Variants in AK3 observed in about 807,000 individuals in gnomAD.
The protein encoded by AK3 is GTP:AMP phosphotransferase AK3, mitochondrial.
AK3 carries 27 observed loss-of-function variants against 23.7 expected under a neutral mutation model. The ratio of observed to expected loss-of-function variants is 1.14; its 90% CI spans 0.84 to 1.57. The LOEUF (loss-of-function observed/expected upper bound fraction) is 1.57, where lower values mean the gene tolerates loss of function less well. Ranked by LOEUF, AK3 falls within the 40% of genes most tolerant of loss-of-function variation. The pLI is 0.00. For missense variants in AK3, 406 were observed against 285.6 expected (o/e 1.42, Z -3.04); for synonymous variants, 159 against 116.0 (o/e 1.37, Z -2.38).
chr9:4,739,055 G>C (rs1028499717), intron 1 of AK3, among the ~76,000 whole-genome samples: 2 of 152,022 alleles, frequency 1.3e-5, no homozygotes, highest in Non-Finnish European at 2.9e-5. Flanking sequence ...TTACAAGCAT[G>C]AGCCATTGCG....
At chr9:4,714,328 C>A (rs1841662909) in intron 4 of AK3, among the ~76,000 whole-genome samples, 1 of 152,178 alleles carries the variant, frequency 6.6e-6, no homozygotes, top group Admixed American at 6.5e-5. Context: ...GGCCCTTCTT[C>A]CGAGGTTTTC....
rs1162133549 is a variant in AK3, at chr9:4,712,676, A to G, written c.*300T>C. ...TATCAACCACTTATTAACTGAACAA[A>G]AAGTTAGATTACTACCAAATGCTCT... On this transcript the variant is annotated 3_prime_UTR_variant, in exon 5 of 5. Coordinates refer to ENST00000381809, the MANE Select transcript of AK3 (RefSeq NM_016282.4). 1.6e-5 allele frequency: 3 copies of G among 184,522 alleles called. No homozygotes were observed. The highest frequency in any genetic ancestry group is 7.0e-5 in the African/African-American group (3 of 42,766). 11.4% of individuals were successfully genotyped at this position (184,522 alleles called of 1,614,324 possible).
At chr9:4,736,496 C>T (rs1249740845) in intron 1 of AK3, among the ~76,000 whole-genome samples, 2 of 148,944 alleles carry the variant, frequency 1.3e-5, no homozygotes, top group Non-Finnish European at 3.0e-5. Flanking sequence ...AACAACTCCG[C>T]TTTGCCATCA....
intron 1 of AK3, among the ~76,000 whole-genome samples, chr9:4,730,745 G>C (rs965981283): frequency 1.3e-5 from 2 of 152,190 alleles, no homozygotes; most frequent in African/African-American, 2.4e-5. Flanking sequence ...GAACAAGACA[G>C]ACATTGAGAT....
At position 4,729,015 on chromosome 9, in the gene AK3, A is replaced by ATATATATATATATTTTT. The variant is rs71326127; in HGVS notation, c.152-6391_152-6390insAAAAATATATATATATA. ...CACACACACATATATATATATATAT[A>ATATATATATATATTTTT]TTTTTTTTTTTTGAGACGGAATTTT... On this transcript the variant is annotated intron_variant, in intron 1 of 4. Transcript: ENST00000381809. 5.2e-3 allele frequency among the ~76,000 whole-genome samples: 668 copies of ATATATATATATATTTTT among 129,358 alleles called. 4 individuals carry two copies. Among genetic ancestry groups the ATATATATATATATTTTT allele is most frequent in the Non-Finnish European group, 6.9e-3 (440 of 63,396 alleles). The allele number at this position is 129,358 out of a possible 152,430, so 84.9% of individuals were successfully genotyped here.
chr9:4,712,185 C>G lies in AK3; in HGVS notation c.*791G>C. ...ACACATTTCTTAACCTGAGTCATAA[C>G]TGAAAACATAGACTTTAATTACATT... On this transcript the variant is annotated 3_prime_UTR_variant, in exon 5 of 5. Transcript: ENST00000381809. 6.6e-6 allele frequency: 1 copy of G among 152,100 alleles called. No homozygotes were observed. Among genetic ancestry groups the G allele is most frequent in the Non-Finnish European group, 1.5e-5 (1 of 68,000 alleles). The allele number at this position is 152,100 out of a possible 1,614,324, so 9.4% of individuals were successfully genotyped here.
chr9:4,739,224 G>A (rs972083298), intron 1 of AK3, among the ~76,000 whole-genome samples: 16 of 151,306 alleles, frequency 1.1e-4, no homozygotes, highest in South Asian at 2.1e-4. Flanking sequence ...TTCGAGATGG[G>A]GTCTTGCTCA....
At chr9:4,733,706 T>G (rs1426391225) in intron 1 of AK3, among the ~76,000 whole-genome samples, 3 of 152,142 alleles carry the variant, frequency 2.0e-5, no homozygotes, top group African/African-American at 7.2e-5. Flanking sequence ...GACAATTACA[T>G]AAATGCCCAC....
chr9:4,717,851 G>C (rs1398122478), intron 4 of AK3, among the ~76,000 whole-genome samples: 1 of 152,198 alleles, frequency 6.6e-6, no homozygotes, highest in African/African-American at 2.4e-5. Context: ...GATTTATTAG[G>C]ATGTAATTTC....
chr9:4,725,274 C>T (rs1841998167), intron 1 of AK3, among the ~76,000 whole-genome samples: 1 of 151,682 alleles, frequency 6.6e-6, no homozygotes, highest in Non-Finnish European at 1.5e-5. Context: ...GCCTCGGCCT[C>T]CCAAAGTGCT....
chr9:4,740,847 C>G (rs1842412190), intron 1 of AK3, 90 bp downstream of exon 1: 8 of 1,334,518 alleles, frequency 6.0e-6, no homozygotes, highest in Non-Finnish European at 7.8e-6. Context: ...CGCCCGCAGC[C>G]AGGGACCCGC....
At chr9:4,740,071 AAAAAAAG>A (rs756592246) in intron 1 of AK3, among the ~76,000 whole-genome samples, 82 of 149,458 alleles carry the variant, frequency 5.5e-4, no homozygotes, top group African/African-American at 1.1e-3. Flanking sequence ...AAAAAAAAAA[AAAAAAAG>A]AAGGAAAACA....
upstream of AK3, chr9:4,741,308 C>A (rs531514534): frequency 1.7e-5 from 7 of 418,378 alleles, no homozygotes; most frequent in African/African-American, 1.2e-4. Context: ...GGCGCACCCC[C>A]CGCCCCCGAC....
chr9:4,729,615 C>T (rs1421376582), intron 1 of AK3, among the ~76,000 whole-genome samples: 1 of 152,088 alleles, frequency 6.6e-6, no homozygotes, highest in African/African-American at 2.4e-5. Context: ...AGGAAGACTG[C>T]TCAAGCCTAA....
At chr9:4,734,761 A>T (rs937180680) in intron 1 of AK3, among the ~76,000 whole-genome samples, 1 of 152,248 alleles carries the variant, frequency 6.6e-6, no homozygotes, top group Non-Finnish European at 1.5e-5. Flanking sequence ...ATGTTCACCA[A>T]CTTATGAATG....
chr9:4,729,763 G>A lies in AK3; in HGVS notation c.152-7138C>T, dbSNP rs185912856. ...TATCACTTGGGTGCAGGAGTTCAAG[G>A]CTGCTGCTGTTGAGTTATGATTGCA... On this transcript the variant is annotated intron_variant, in intron 1 of 4. Coordinates refer to ENST00000381809, the MANE Select transcript of AK3 (RefSeq NM_016282.4). 9.9e-5 allele frequency among the ~76,000 whole-genome samples: 15 copies of A among 151,496 alleles called. 1 individual carries two copies. In the East Asian group the frequency reaches 2.3e-3, roughly 24 times the overall value.
intron 1 of AK3, among the ~76,000 whole-genome samples, chr9:4,724,539 A>G (rs1050216868): frequency 6.6e-6 from 1 of 152,164 alleles, no homozygotes; most frequent in Non-Finnish European, 1.5e-5. Context: ...AAGCATCCAG[A>G]AAAAAAGAAG....
At chr9:4,722,776 G>A in intron 1 of AK3, 151 bp from the exon 2 acceptor site, 1 of 1,239,704 alleles carries the variant, frequency 8.1e-7, no homozygotes, top group South Asian at 1.5e-5. Flanking sequence ...AAAGGTTATG[G>A]CCGGGAACAG....
chr9:4,712,072 G>C lies in AK3; in HGVS notation c.*904C>G, dbSNP rs1202214514. On this transcript the variant is annotated 3_prime_UTR_variant, in exon 5 of 5. Transcript: ENST00000381809. Reference sequence around the variant, plus strand: ...TCTCTTTTTTCTTCTCTTTTTTATTGGCGGGGGAGATGGTACTATAACTTG... The same window carrying C: ...TCTCTTTTTTCTTCTCTTTTTTATTCGCGGGGGAGATGGTACTATAACTTG... The C allele has an allele frequency of 6.6e-6, 1 of 151,790 alleles. No homozygotes were observed. The highest frequency in any genetic ancestry group is 1.5e-5 in the Non-Finnish European group (1 of 67,962). 9.4% of individuals were successfully genotyped at this position (151,790 alleles called of 1,614,324 possible).
Sources: allele counts gnomAD v4.1 joint callset (sites outside exome capture counted in the v4.1 genomes callset), GRCh38; gene constraint gnomAD v4.1.1; transcripts MANE v1.5; gene names NCBI Gene and HGNC (gene_info 2026-07-23, HGNC 2026-07-21).